Variants in C1QB observed in about 807,000 individuals in gnomAD.
C1QB encodes complement C1q subcomponent subunit B.
Under a neutral mutation model 4.6 loss-of-function variants are expected in C1QB, and 2 were observed. The ratio of observed to expected loss-of-function variants is 0.43; its 90% confidence interval spans 0.18 to 1.36. The LOEUF is 1.36. Among genes scored for constraint, C1QB ranks in the 40% most tolerant of loss-of-function variants. The pLI, the probability that C1QB is intolerant of heterozygous loss-of-function variation, is 0.28. For synonymous variants in C1QB, 132 were observed against 137.1 expected (o/e 0.96, Z 0.26); for missense variants, 292 against 338.0 (o/e 0.86, Z 1.07).
chr1:22,657,905 T>G (rs1642551276), intron 1 of C1QB, among the ~76,000 whole-genome samples: 1 of 152,170 alleles, frequency 6.6e-6, no homozygotes, highest in Non-Finnish European at 1.5e-5. Context: ...AAAGGGGCCA[T>G]CACTGCCCTC....
intron 1 of C1QB, among the ~76,000 whole-genome samples, chr1:22,659,008 TGGATGCAG>T (rs1642572035): frequency 7.3e-6 from 1 of 137,098 alleles, no homozygotes; most frequent in African/African-American, 2.9e-5. Flanking sequence ...GGTGGATGAA[TGGATGCAG>T]GGATGGAGGG....
chr1:22,661,001 C>A lies in C1QB; in HGVS notation c.371C>A (p.Ala124Asp), dbSNP rs1439582792. ...YKATQKIAFS[A>D]TRTINVPLRR... The stretch of plus-strand genomic sequence containing the variant: ...GCCACCCAGAAAATCGCCTTCTCTG[C>A]CACAAGAACCATCAACGTCCCCCTG... The change falls in exon 3 of 3, where the codon GCC (alanine) becomes GAC (aspartate). Residue 124 changes from alanine to aspartate, a missense_variant. Physicochemically the swap from Ala to Asp is moderately radical, Grantham distance 126 (BLOSUM62 -2). Coordinates refer to ENST00000509305, the MANE Select transcript of C1QB (RefSeq NM_001378156.1). 2 of 1,613,940 alleles carry A rather than the reference C, an allele frequency of 1.2e-6. No individual in the cohort carries two copies. The highest frequency in any genetic ancestry group is 1.7e-6 in the Non-Finnish European group (2 of 1,179,994).
rs945618655 is a variant in C1QB, at chr1:22,659,588, T to TG, written c.129dup (p.Thr44AspfsTer28). The TG allele has an allele frequency of 1.2e-6, 2 of 1,613,860 alleles. No homozygotes were observed. The highest frequency in any genetic ancestry group is 2.7e-5 in the African/African-American group (2 of 74,888). On this transcript the variant is annotated frameshift_variant, in exon 2 of 3. Transcript: ENST00000509305. LOFTEE classifies it high-confidence loss of function. ...CCATCCCTGGCATCCCGGGTATCCC[T>TG]GGGACACCTGGCCCCGATGGCCAAC...
At chr1:22,660,050 T>C (rs1159737475) in intron 2 of C1QB, among the ~76,000 whole-genome samples, 1 of 152,140 alleles carries the variant, frequency 6.6e-6, no homozygotes, top group African/African-American at 2.4e-5. Context: ...TGTCATGGGG[T>C]TCAAATGAGA....
At chr1:22,656,892 G>T (rs1642538312) in intron 1 of C1QB, among the ~76,000 whole-genome samples, 1 of 152,130 alleles carries the variant, frequency 6.6e-6, no homozygotes, top group African/African-American at 2.4e-5. Context: ...AGAAGTCGGG[G>T]AAACACGTTT....
At chr1:22,659,140 G>A (rs934265727) in intron 1 of C1QB, among the ~76,000 whole-genome samples, 2 of 147,524 alleles carry the variant, frequency 1.4e-5, no homozygotes, top group Non-Finnish European at 3.0e-5. Flanking sequence ...ATGGATGGAT[G>A]AATGGATGGA....
rs202132962 is a variant in C1QB at position 22,659,691 on chromosome 1, G to A, written c.181+48G>A. ...ACTGGTAATACTGACCAAATTTCCC[G>A]TCTCCTGCCTCCCAAGTCACAGTTG... On this transcript the variant is annotated intron_variant, in intron 2 of 2. Transcript: ENST00000509305. 3.0e-4 allele frequency: 464 copies of A among 1,562,320 alleles called. No individual in the cohort carries two copies. The African/African-American group carries it at 5.1e-3, about 17-fold the overall frequency.
At position 22,661,252 on chromosome 1, in the gene C1QB, G is replaced by C; in HGVS notation, c.622G>C (p.Gly208Arg). The change falls in exon 3 of 3, where the codon GGT becomes CGT. Residue 208 changes from glycine (G) to arginine (R), a missense_variant. Coordinates refer to ENST00000509305, the MANE Select transcript of C1QB (RefSeq NM_001378156.1). ...CTACAACACCTTCCAGGTCACCACC[G>C]GTGGCATGGTCCTCAAGCTGGAGCA... ...YAYNTFQVTT[G>R]GMVLKLEQGE... is the part of the protein sequence containing the mutation. The C allele has an allele frequency of 6.2e-7, 1 of 1,613,302 alleles. No homozygotes were observed. Among genetic ancestry groups the C allele is most frequent in the Non-Finnish European group, 8.5e-7 (1 of 1,179,368 alleles).
chr1:22,655,953 G>A (rs1642523695), intron 1 of C1QB, among the ~76,000 whole-genome samples: 2 of 152,230 alleles, frequency 1.3e-5, no homozygotes, highest in South Asian at 2.1e-4. Flanking sequence ...TGCCTCGAGA[G>A]GTAATGAGCT....
At chr1:22,654,767 C>T (rs1350484384) in intron 1 of C1QB, among the ~76,000 whole-genome samples, 2 of 152,198 alleles carry the variant, frequency 1.3e-5, no homozygotes, top group Admixed American at 6.5e-5. Flanking sequence ...ACTACAGGCT[C>T]CCGCCACCAG....
intron 1 of C1QB, among the ~76,000 whole-genome samples, chr1:22,655,724 T>G (rs1642519326): frequency 1.3e-5 from 2 of 152,180 alleles, no homozygotes; most frequent in African/African-American, 4.8e-5. Flanking sequence ...CAAGTCCCAA[T>G]GAGAGCTTGG....
rs148813212 is a variant in C1QB, at chr1:22,660,941, C to T, written c.311C>T (p.Ala104Val). 187 of 1,613,722 alleles carry T rather than the reference C, an allele frequency of 1.2e-4. No individual in the cohort carries two copies. In the African/African-American group the frequency reaches 2.2e-3, roughly 19 times the overall value. The change falls in exon 3 of 3, where the codon GCC becomes GTC. Residue 104 changes from alanine to valine, a missense_variant. By Grantham distance (64) the Ala-to-Val change is moderately conservative. Coordinates refer to ENST00000509305, the MANE Select transcript of C1QB (RefSeq NM_001378156.1). ...GPKGGPGAPG[A>V]PGPKGESGDY... ...AAAGGTGGCCCAGGGGCCCCTGGAG[C>T]CCCAGGCCCCAAAGGTGAATCGGGA...
intron 1 of C1QB, among the ~76,000 whole-genome samples, chr1:22,653,682 C>T (rs1642486556): frequency 6.6e-6 from 1 of 152,194 alleles, no homozygotes; most frequent in South Asian, 2.1e-4. Context: ...CTGTGCCTTA[C>T]AGGAGATCAA....
chr1:22,659,292 AGATGGATGGATGGATGGATG>A, intron 1 of C1QB, 128 bp from the exon 2 acceptor site: 1 of 647,244 alleles, frequency 1.5e-6, no homozygotes, highest in Non-Finnish European at 2.6e-6. Context: ...AGGGATAGAG[AGATGGATGGATGGATGGATG>A]GATGGATGGA....
chr1:22,660,834 C>G lies in C1QB; in HGVS notation c.204C>G (p.Asp68Glu). Residue 68 changes from aspartate (D) to glutamate (E), a missense_variant, in exon 3 of 3, where the codon GAC (aspartate) becomes GAG (glutamate). Asp to Glu is a conservative substitution (Grantham distance 45). Coordinates refer to ENST00000509305, the MANE Select transcript of C1QB (RefSeq NM_001378156.1). ...GEKGLPGLAG[D>E]HGEFGEKGDP... ...CAGGGCTTCCAGGGCTGGCTGGAGA[C>G]CATGGTGAGTTCGGAGAGAAGGGAG... 1 of 1,613,934 alleles carries G rather than the reference C, an allele frequency of 6.2e-7. No individual in the cohort carries two copies.
At chr1:22,659,727 A>G in intron 2 of C1QB, 84 bp downstream of exon 2, 1 of 1,480,106 alleles carries the variant, frequency 6.8e-7, no homozygotes, top group South Asian at 1.2e-5. Flanking sequence ...CCTACCTTTG[A>G]GACTGCAAAA....
In C1QB at chr1:22,660,978, C is replaced by T; in HGVS notation, c.348C>T (p.Ala116=). The T allele has an allele frequency of 6.2e-7, 1 of 1,614,026 alleles. No individual in the cohort carries two copies. The highest frequency in any genetic ancestry group is 8.5e-7 in the Non-Finnish European group (1 of 1,179,960). Reference sequence around the variant, plus strand: ...AAGGTGAATCGGGAGACTACAAGGCCACCCAGAAAATCGCCTTCTCTGCCA... The same window carrying T: ...AAGGTGAATCGGGAGACTACAAGGCTACCCAGAAAATCGCCTTCTCTGCCA... ...GPKGESGDYK[A]TQKIAFSATR... The change falls in exon 3 of 3, where the codon GCC becomes GCT. Residue 116 remains alanine, a synonymous_variant. Transcript: ENST00000509305.
chr1:22,659,963 C>T (rs1364484190), intron 2 of C1QB, among the ~76,000 whole-genome samples: 1 of 152,154 alleles, frequency 6.6e-6, no homozygotes, highest in Non-Finnish European at 1.5e-5. Flanking sequence ...TTTAAACTTA[C>T]CTCCTGGGCA....
In C1QB at chr1:22,661,323, G is replaced by A. The variant is rs1430379014; in HGVS notation, c.693G>A (p.Leu231=). The A allele has an allele frequency of 6.2e-7, 1 of 1,613,868 alleles. No individual in the cohort carries two copies. Among genetic ancestry groups the A allele is most frequent in the African/African-American group, 1.3e-5 (1 of 74,872 alleles). Residue 231 remains leucine, a synonymous_variant, in exon 3 of 3, where the codon CTG becomes CTA. Coordinates refer to ENST00000509305, the MANE Select transcript of C1QB (RefSeq NM_001378156.1). ...FLQATDKNSL[L]GMEGANSIFS... ...AGGCCACCGACAAGAACTCACTACTGGGCATGGAGGGTGCCAACAGCATCT... is the reference window on the plus strand; with the variant it reads ...AGGCCACCGACAAGAACTCACTACTAGGCATGGAGGGTGCCAACAGCATCT...
Sources: gnomAD v4.1 joint callset for allele counts (sites outside exome capture counted in the v4.1 genomes callset) on GRCh38, gnomAD v4.1.1 for gene constraint, MANE v1.5 for transcripts, NCBI Gene and HGNC (gene_info 2026-07-23, HGNC 2026-07-21) for gene names.